The following LRRTM4 variants were observed in gnomAD, a reference collection of about 807,000 sequenced individuals.
LRRTM4 encodes the protein leucine rich repeat transmembrane neuronal 4.
A neutral mutation model predicts 47.6 loss-of-function variants in LRRTM4; 25 were observed. The observed-to-expected ratio is 0.53, with a 90% CI of 0.38 to 0.73. The LOEUF is 0.73. Ranked by LOEUF, LRRTM4 falls within the 30% of genes least tolerant of loss-of-function variation. LRRTM4 has a pLI of 0.00. For synonymous variants in LRRTM4, 311 were observed against 269.5 expected (o/e 1.15, Z -1.51); for missense variants, 638 against 713.4 (o/e 0.89, Z 1.20).
chr2:77,512,770 G>T (rs968766466), intron 3 of LRRTM4, among the ~76,000 whole-genome samples: 2 of 152,042 alleles, frequency 1.3e-5, no homozygotes, highest in African/African-American at 4.8e-5. Context: ...GTATCCTGTG[G>T]ATATTATTGG....
At chr2:76,927,777 C>A (rs992395735) in intron 3 of LRRTM4, among the ~76,000 whole-genome samples, 8 of 152,078 alleles carry the variant, frequency 5.3e-5, no homozygotes, top group African/African-American at 1.9e-4. Flanking sequence ...TTTAAAAGTA[C>A]TGATCTCTCT....
intron 3 of LRRTM4, among the ~76,000 whole-genome samples, chr2:76,842,193 C>T (rs1197084420): frequency 6.6e-6 from 1 of 152,104 alleles, no homozygotes. Flanking sequence ...ATTGCTTGGG[C>T]TGGTGGTTTA....
chr2:77,439,968 T>C (rs1427678440), intron 3 of LRRTM4, among the ~76,000 whole-genome samples: 5 of 152,194 alleles, frequency 3.3e-5, no homozygotes, highest in Admixed American at 6.5e-5. Flanking sequence ...TTGAAGATTA[T>C]ACTATACACC....
intron 3 of LRRTM4, among the ~76,000 whole-genome samples, chr2:77,495,843 T>C (rs1678343276): frequency 6.6e-6 from 1 of 152,006 alleles, no homozygotes; most frequent in African/African-American, 2.4e-5. Context: ...TACACAATTG[T>C]TTTGGTTATT....
intron 3 of LRRTM4, among the ~76,000 whole-genome samples, chr2:77,067,521 T>C (rs1679995424): frequency 2.0e-5 from 3 of 151,878 alleles, no homozygotes; most frequent in African/African-American, 7.3e-5. Flanking sequence ...CTAACAAATT[T>C]TAAAGAATCT....
chr2:76,802,980 C>A (rs1312648607), intron 3 of LRRTM4, among the ~76,000 whole-genome samples: 2 of 152,018 alleles, frequency 1.3e-5, no homozygotes, highest in Non-Finnish European at 2.9e-5. Flanking sequence ...AAATGTAGGA[C>A]CTGATACTAT....
chr2:77,439,727 A>T lies in LRRTM4; in HGVS notation c.1551+78591T>A, dbSNP rs184495428. Among the ~76,000 whole-genome samples the T allele has an allele frequency of 3.9e-4, 59 of 152,282 alleles. 1 individual carries two copies. Among genetic ancestry groups the T allele is most frequent in the Middle Eastern group, 6.8e-3 (2 of 294 alleles). On this transcript the variant is annotated intron_variant, in intron 3 of 3. Transcript: ENST00000409884. ...AACTTTTTTGAAACAGCAAAAGAAT[A>T]ATTATTATTATTACAGGTGACGCTA... is the stretch of plus-strand genomic sequence containing the variant.
In LRRTM4 at chr2:76,750,505, A is replaced by G. The variant is rs570032803; in HGVS notation, c.1552-1589T>C. Among the ~76,000 whole-genome samples the G allele has an allele frequency of 3.3e-5, 5 of 152,308 alleles. No individual in the cohort carries two copies. In the South Asian group the frequency reaches 1.0e-3, roughly 32 times the overall value. On this transcript the variant is annotated intron_variant, in intron 3 of 3. Coordinates refer to ENST00000409884, the MANE Select transcript of LRRTM4 (RefSeq NM_001134745.3). ...TTCTTTCTAAAATTTCTTTCTTAAA[A>G]TAACTGATATTTTGTCAGTCTCCCG...
At chr2:77,229,513 A>G (rs1674906407) in intron 3 of LRRTM4, among the ~76,000 whole-genome samples, 1 of 152,112 alleles carries the variant, frequency 6.6e-6, no homozygotes, top group African/African-American at 2.4e-5. Context: ...AATATCATTA[A>G]ATGGCAACCA....
chr2:77,165,962 TCAA>T (rs1413425615), intron 3 of LRRTM4, among the ~76,000 whole-genome samples: 1 of 152,088 alleles, frequency 6.6e-6, no homozygotes, highest in Non-Finnish European at 1.5e-5. Context: ...TCTGGCCAAG[TCAA>T]TCAGGCAGGA....
intron 3 of LRRTM4, among the ~76,000 whole-genome samples, chr2:77,021,656 G>A (rs1056284679): frequency 3.9e-5 from 6 of 152,140 alleles, no homozygotes; most frequent in African/African-American, 1.2e-4. Context: ...CAGACTGCCA[G>A]CTGAATGCAA....
chr2:77,007,967 C>T (rs554802866), intron 3 of LRRTM4, among the ~76,000 whole-genome samples: 1 of 151,866 alleles, frequency 6.6e-6, no homozygotes, highest in East Asian at 1.9e-4. Flanking sequence ...TGAAAATGCA[C>T]ACTTTTACTG....
chr2:77,148,283 G>A (rs1414283062), intron 3 of LRRTM4, among the ~76,000 whole-genome samples: 1 of 152,170 alleles, frequency 6.6e-6, no homozygotes, highest in Admixed American at 6.6e-5. Context: ...AAAGGGGAAT[G>A]ATTTGGCATA....
At chr2:77,049,084 A>G (rs1418135319) in intron 3 of LRRTM4, among the ~76,000 whole-genome samples, 1 of 138,024 alleles carries the variant, frequency 7.2e-6, no homozygotes, top group Non-Finnish European at 1.5e-5. Flanking sequence ...GCTGTGAATG[A>G]CAGTTTGTTT....
chr2:76,781,476 G>A (rs368067311), intron 3 of LRRTM4, among the ~76,000 whole-genome samples: 96 of 152,338 alleles, frequency 6.3e-4, no homozygotes, highest in African/African-American at 2.1e-3. Flanking sequence ...TTTTAAGCCC[G>A]TCTGAAAAGC....
intron 3 of LRRTM4, among the ~76,000 whole-genome samples, chr2:77,451,969 A>T (rs1464421455): frequency 6.6e-6 from 1 of 152,190 alleles, no homozygotes; most frequent in African/African-American, 2.4e-5. Context: ...GCTTCTGGTA[A>T]CTATTTACAG....
intron 3 of LRRTM4, among the ~76,000 whole-genome samples, chr2:76,874,701 A>G (rs1023703499): frequency 2.6e-5 from 4 of 151,916 alleles, no homozygotes; most frequent in Admixed American, 6.6e-5. Flanking sequence ...ACACAATCCT[A>G]ATCACTGTTT....
At chr2:76,974,209 T>TAC (rs200336947) in intron 3 of LRRTM4, among the ~76,000 whole-genome samples, 1 of 73,030 alleles carries the variant, frequency 1.4e-5, no homozygotes, top group Non-Finnish European at 2.5e-5. Context: ...TATATATATA[T>TAC]ACACATATAT....
At chr2:77,191,243 GTTTC>G (rs1335857494) in intron 3 of LRRTM4, among the ~76,000 whole-genome samples, 1 of 151,942 alleles carries the variant, frequency 6.6e-6, no homozygotes, top group East Asian at 1.9e-4. Context: ...CACCCGAAGT[GTTTC>G]TTTCAAAACA....
Sources: gnomAD v4.1 joint callset for allele counts (sites outside exome capture counted in the v4.1 genomes callset) on GRCh38, gnomAD v4.1.1 for gene constraint, MANE v1.5 for transcripts, NCBI Gene and HGNC (gene_info 2026-07-23, HGNC 2026-07-21) for gene names.